The following SCN1A variants were observed in gnomAD, a reference collection of about 807,000 sequenced individuals.
SCN1A encodes sodium channel protein type 1 subunit alpha.
SCN1A carries 13 observed loss-of-function variants against 193.7 expected under a neutral mutation model. The ratio of observed to expected loss-of-function variants is 0.07; its 90% CI spans 0.04 to 0.11. The LOEUF (loss-of-function observed/expected upper bound fraction) is 0.11. SCN1A is among the 10% of genes least tolerant of loss of function. SCN1A has a pLI of 1.00. For synonymous variants in SCN1A, 781 were observed against 843.6 expected (o/e 0.93, Z 1.29); for missense variants, 1,432 against 2,451.1 (o/e 0.58, Z 8.78).
At chr2:166,014,662 A>G (rs1019721) in intron 20 of SCN1A, among the ~76,000 whole-genome samples, 141,952 of 142,478 alleles carry the variant, frequency 1, 70,714 homozygotes, top group Middle Eastern at 1. Context: ...AAAAAGGAGG[A>G]AAAGATATGT....
At chr2:166,012,366 G>T in intron 21 of SCN1A, 84 bp from the exon 22 acceptor site, 1 of 1,092,154 alleles carries the variant, frequency 9.2e-7, no homozygotes, top group Non-Finnish European at 1.3e-6. Context: ...ATATGCATAT[G>T]ACATTTCATT....
chr2:166,009,668 T>C (rs772253804), intron 23 of SCN1A, 51 bp downstream of exon 23: 1 of 1,527,752 alleles, frequency 6.5e-7, no homozygotes, highest in Non-Finnish European at 8.8e-7. Context: ...AAATTTAATT[T>C]AGTTTAATTT....
intron 19 of SCN1A, among the ~76,000 whole-genome samples, chr2:166,031,744 T>C (rs1695592170): frequency 1.3e-5 from 2 of 152,118 alleles, no homozygotes; most frequent in Admixed American, 6.6e-5. Flanking sequence ...TCTATATTAA[T>C]TAGGCACTGT....
At chr2:166,055,044 T>C (rs1250517479) in intron 6 of SCN1A, among the ~76,000 whole-genome samples, 2 of 152,098 alleles carry the variant, frequency 1.3e-5, no homozygotes, top group South Asian at 4.1e-4. Flanking sequence ...TATGTAAATA[T>C]AGTCTCCTGA....
chr2:166,008,347 T>C (rs1691937530), intron 23 of SCN1A, among the ~76,000 whole-genome samples: 1 of 151,174 alleles, frequency 6.6e-6, no homozygotes, highest in South Asian at 2.1e-4. Context: ...TTTAGCATTG[T>C]TCAGATTTCA....
Position 165,992,548 on chromosome 2 carries a change from ATATAT to A in SCN1A, c.4853-131_4853-127del. 1 of 612,570 alleles carries A rather than the reference ATATAT, an allele frequency of 1.6e-6. No homozygotes were observed. Among genetic ancestry groups the A allele is most frequent in the East Asian group, 3.3e-5 (1 of 30,542 alleles). The allele number at this position is 612,570 out of a possible 1,614,324, so 37.9% of individuals were successfully genotyped here. A position where few individuals can be genotyped will look rare whatever the true frequency, so the allele number is the denominator to read the frequency against. On this transcript the variant is annotated intron_variant, in intron 28 of 28. Coordinates refer to ENST00000674923, the MANE Select transcript of SCN1A (RefSeq NM_001165963.4). The surrounding 1 kb of genome is among the most constrained non-coding windows in gnomAD (Gnocchi z 6.5). ...CCCAGTTATATTAAATATGACAACTATATATAATATATATATAATTGTACATAATA... is the reference window on the plus strand; with the variant it reads ...CCCAGTTATATTAAATATGACAACTAAATATATATATAATTGTACATAATA...
chr2:166,063,838 A>G (rs1683567942), intron 4 of SCN1A, among the ~76,000 whole-genome samples: 1 of 152,100 alleles, frequency 6.6e-6, no homozygotes, highest in African/African-American at 2.4e-5. Context: ...TTTTTATACT[A>G]AGTCTTAGAT....
chr2:166,102,406 G>A (rs1301904538), intron 2 of SCN1A, among the ~76,000 whole-genome samples: 1 of 150,842 alleles, frequency 6.6e-6, no homozygotes, highest in Non-Finnish European at 1.5e-5. Context: ...TGAGGCAGGA[G>A]AATGGCGTGA....
intron 7 of SCN1A, 86 bp from the exon 8 acceptor site, chr2:166,053,029 C>T (rs942831187): frequency 2.1e-6 from 3 of 1,422,980 alleles, no homozygotes; most frequent in Non-Finnish European, 3.0e-6. Flanking sequence ...TTACTCTAAT[C>T]ACTTCTTACC....
chr2:166,010,157 T>C (rs1025085375), intron 22 of SCN1A, among the ~76,000 whole-genome samples: 1 of 150,986 alleles, frequency 6.6e-6, no homozygotes, highest in Non-Finnish European at 1.5e-5. Context: ...AAAAAATTCA[T>C]TGGCTATTCT....
chr2:166,012,037 C>T, intron 22 of SCN1A, 72 bp downstream of exon 22: 1 of 1,360,034 alleles, frequency 7.4e-7, no homozygotes. Flanking sequence ...GTCTGAGACT[C>T]ACTATTGTAG....
chr2:166,104,971 A>G (rs973335675), intron 2 of SCN1A, among the ~76,000 whole-genome samples: 1 of 152,188 alleles, frequency 6.6e-6, no homozygotes, highest in Non-Finnish European at 1.5e-5. Flanking sequence ...AGCAAAAGAA[A>G]TGACGTAATT....
At chr2:166,031,653 A>G (rs1236541772) in intron 19 of SCN1A, among the ~76,000 whole-genome samples, 3 of 152,194 alleles carry the variant, frequency 2.0e-5, no homozygotes, top group African/African-American at 7.2e-5. Flanking sequence ...GTATGTTACC[A>G]GTAGTAATTC....
chr2:166,060,784 C>T (rs1559259326), intron 4 of SCN1A: 2 of 152,188 alleles, frequency 1.3e-5, no homozygotes, highest in South Asian at 2.1e-4. Context: ...ACAGGAGAAT[C>T]GCTTGAACCC....
chr2:166,076,957 C>T (rs183162319), intron 3 of SCN1A: 1 of 151,700 alleles, frequency 6.6e-6, no homozygotes, highest in African/African-American at 2.4e-5. Context: ...TTGGAGAAAA[C>T]CTAGTTGACT....
chr2:166,138,577 A>T (rs917204876), intron 1 of SCN1A, among the ~76,000 whole-genome samples: 6 of 152,332 alleles, frequency 3.9e-5, no homozygotes, highest in African/African-American at 1.4e-4. Context: ...GGGGTTTGAG[A>T]ACCTCTGCCT....
At chr2:166,078,454 G>A (rs7573468) in intron 2 of SCN1A, among the ~76,000 whole-genome samples, 11,634 of 151,236 alleles carry the variant, frequency 0.077, 1,212 homozygotes, top group African/African-American at 0.24. Context: ...ACTCTGGTGC[G>A]AGATATTGAT....
chr2:166,098,758 C>T (rs573468664), intron 2 of SCN1A, among the ~76,000 whole-genome samples: 60 of 152,206 alleles, frequency 3.9e-4, no homozygotes, highest in African/African-American at 1.3e-3. Context: ...ATCTCATTCA[C>T]GATAGCCACG....
intron 2 of SCN1A, among the ~76,000 whole-genome samples, chr2:166,093,441 C>A (rs1326681264): frequency 6.6e-6 from 1 of 152,050 alleles, no homozygotes; most frequent in Admixed American, 6.6e-5. Flanking sequence ...CAGGTTCACG[C>A]CATTCTCCTG....
Sources: allele counts gnomAD v4.1 joint callset (sites outside exome capture counted in the v4.1 genomes callset), GRCh38; gene constraint gnomAD v4.1.1; non-coding constraint Gnocchi (gnomAD v3.1); transcripts MANE v1.5; gene names NCBI Gene and HGNC (gene_info 2026-07-23, HGNC 2026-07-21).